FAM171B: variants seen among roughly 807,000 people sequenced by gnomAD.
FAM171B encodes protein FAM171B.
In FAM171B, 19 loss-of-function variants were observed where a neutral mutation model predicts 75.6. The observed-to-expected ratio is 0.25, with a 90% confidence interval of 0.18 to 0.37. FAM171B has a LOEUF of 0.37. Among genes scored for constraint, FAM171B ranks in the 10% least tolerant of loss-of-function variants. The pLI, the probability that FAM171B is intolerant of heterozygous loss-of-function variation, is 1.00. For synonymous variants in FAM171B, 367 were observed against 361.7 expected, an observed-to-expected ratio of 1.01 and a Z score of -0.17; for missense variants, 848 against 982.4, an observed-to-expected ratio of 0.86 and a Z score of 1.83.
chr2:186,729,609 A>G (rs556641991), intron 1 of FAM171B, among the ~76,000 whole-genome samples: 1 of 152,318 alleles, frequency 6.6e-6, no homozygotes, highest in South Asian at 2.1e-4. Flanking sequence ...GAAATAGAAA[A>G]GAGTTGTTCA....
At chr2:186,761,363 T>C in intron 7 of FAM171B, 116 bp from the exon 8 acceptor site, 2 of 1,436,490 alleles carry the variant, frequency 1.4e-6, no homozygotes, top group South Asian at 1.4e-5. Context: ...TTATTTTTAA[T>C]CTACATATCT....
chr2:186,711,870 C>T (rs183213319), intron 1 of FAM171B, among the ~76,000 whole-genome samples: 67 of 152,126 alleles, frequency 4.4e-4, no homozygotes, highest in African/African-American at 1.4e-3. Flanking sequence ...TTTTTTGGTC[C>T]GTGATTATCT....
In FAM171B at chr2:186,764,977, G is replaced by GGAAATGA. The variant is rs750367462; in HGVS notation, c.*2157_*2163dup. 1 of 151,884 alleles carries GGAAATGA rather than the reference G, an allele frequency of 6.6e-6. No individual in the cohort carries two copies. Among genetic ancestry groups the GGAAATGA allele is most frequent in the Non-Finnish European group, 1.5e-5 (1 of 67,872 alleles). The allele number at this position is 151,884 out of a possible 1,614,324, so 9.4% of individuals were successfully genotyped here. On this transcript the variant is annotated 3_prime_UTR_variant, in exon 8 of 8. Coordinates refer to ENST00000304698, the MANE Select transcript of FAM171B (RefSeq NM_177454.4). Reference sequence around the variant, plus strand: ...CTTATTTTATTCATTTTTGTGTAAGGGAAATGAGATGATGTATCCCAAGGG... The same window carrying GGAAATGA: ...CTTATTTTATTCATTTTTGTGTAAGGGAAATGAGAAATGAGATGATGTATCCCAAGGG...
chr2:186,740,378 A>G lies in FAM171B; in HGVS notation c.389A>G (p.Lys130Arg), dbSNP rs1690270552. The change falls in exon 2 of 8, where the codon AAA (lysine) becomes AGA (arginine). Residue 130 changes from lysine (K) to arginine (R), a missense_variant. By Grantham distance (26) the Lys-to-Arg change is conservative (BLOSUM62 2). Coordinates refer to ENST00000304698, the MANE Select transcript of FAM171B (RefSeq NM_177454.4). ...NGAVLIKVPYKLGLSLTIIAY... is the reference protein window; with the variant it reads ...NGAVLIKVPYRLGLSLTIIAY... ...GCAGTGCTGATAAAAGTACCCTACAAATTAGGACTTAGTTTAACTATTATT... is the reference window on the plus strand; with the variant it reads ...GCAGTGCTGATAAAAGTACCCTACAGATTAGGACTTAGTTTAACTATTATT... The G allele has an allele frequency of 6.2e-7, 1 of 1,614,050 alleles. No individual in the cohort carries two copies.
intron 1 of FAM171B, among the ~76,000 whole-genome samples, chr2:186,726,367 T>C (rs1690032847): frequency 6.6e-6 from 1 of 152,226 alleles, no homozygotes; most frequent in Non-Finnish European, 1.5e-5. Flanking sequence ...TCTATTTTAC[T>C]GATTTTTTTT....
In FAM171B at chr2:186,694,140, G is replaced by A. The variant is rs1297849315; in HGVS notation, c.-34G>A. ...GGCGCCCGCCGCCGCCCGGAGCCCC[G>A]CAATATGCCGCCGCGGCCCTCTGGC... On this transcript the variant is annotated 5_prime_UTR_variant, in exon 1 of 8. Coordinates refer to ENST00000304698, the MANE Select transcript of FAM171B (RefSeq NM_177454.4). 2.0e-6 allele frequency: 3 copies of A among 1,505,590 alleles called. No homozygotes were observed. The highest frequency in any genetic ancestry group is 2.6e-6 in the Non-Finnish European group (3 of 1,135,242). 93.3% of individuals were successfully genotyped at this position (1,505,590 alleles called of 1,614,324 possible). A position where few individuals can be genotyped will look rare whatever the true frequency, so the allele number is the denominator to read the frequency against.
In FAM171B at chr2:186,762,508, G is replaced by T; in HGVS notation, c.2166G>T (p.Arg722Ser). The change falls in exon 8 of 8, where the codon AGG (arginine) becomes AGT (serine). Residue 722 changes from arginine to serine, a missense_variant. Transcript: ENST00000304698. The surrounding 1 kb of genome is among the most constrained non-coding windows in gnomAD (Gnocchi z 4.0). ...TTCACTCAAGTAGAAAGCTCGAGAG[G>T]GAGAAAACATTCATCAAAAGCATGC... ...NELHSSRKLE[R>S]EKTFIKSMHQ... 1 of 1,613,428 alleles carries T rather than the reference G, an allele frequency of 6.2e-7. No individual in the cohort carries two copies. Among genetic ancestry groups the T allele is most frequent in the Non-Finnish European group, 8.5e-7 (1 of 1,179,724 alleles).
rs1470632589 is a variant in FAM171B at position 186,762,111 on chromosome 2, C to T, written c.1769C>T (p.Pro590Leu). 2 of 1,613,666 alleles carry T rather than the reference C, an allele frequency of 1.2e-6. No individual in the cohort carries two copies. The highest frequency in any genetic ancestry group is 4.5e-5 in the East Asian group (2 of 44,856). The change falls in exon 8 of 8, where the codon CCA becomes CTA. Residue 590 changes from proline (P) to leucine (L), a missense_variant. Coordinates refer to ENST00000304698, the MANE Select transcript of FAM171B (RefSeq NM_177454.4). The surrounding 1 kb of genome is among the most constrained non-coding windows in gnomAD (Gnocchi z 4.0). ...ENFTQTLPKM[P>L]IHSHAQPPDA... is the part of the protein sequence containing the mutation. ...TTTACGCAGACCTTGCCCAAAATGC[C>T]AATTCATTCTCATGCACAGCCCCCA...
chr2:186,727,693 G>A (rs772406662), intron 1 of FAM171B, among the ~76,000 whole-genome samples: 1 of 152,054 alleles, frequency 6.6e-6, no homozygotes, highest in Admixed American at 6.5e-5. Context: ...GGGAGGTGAC[G>A]GTCAGATCTC....
chr2:186,709,235 G>T (rs1304925736), intron 1 of FAM171B, among the ~76,000 whole-genome samples: 1 of 152,072 alleles, frequency 6.6e-6, no homozygotes, highest in African/African-American at 2.4e-5. Flanking sequence ...CCCCATCTCC[G>T]ACACTGAGGA....
In FAM171B at chr2:186,762,168, G is replaced by A. The variant is rs1559094910; in HGVS notation, c.1826G>A (p.Gly609Asp). ...AGGGAAGAGGATATCATACTTGAAG[G>A]TCAACAGAGCCTGCCATCCCAGGCT... ...DAREEDIILE[G>D]QQSLPSQASD... is the part of the protein sequence containing the mutation. The change falls in exon 8 of 8, where the codon GGT (glycine) becomes GAT (aspartate). Residue 609 changes from glycine to aspartate, a missense_variant. By Grantham distance (94) the Gly-to-Asp change is moderately conservative (BLOSUM62 -1). This residue lies in a region of FAM171B where 665 missense variants were observed against 729.0 expected (regional missense o/e 0.91). Transcript: ENST00000304698. The surrounding 1 kb of genome is among the most constrained non-coding windows in gnomAD (Gnocchi z 4.0). 3.1e-6 allele frequency: 5 copies of A among 1,613,626 alleles called. No individual in the cohort carries two copies. Among genetic ancestry groups the A allele is most frequent in the Non-Finnish European group, 4.2e-6 (5 of 1,179,766 alleles).
In FAM171B at chr2:186,743,473, T is replaced by C. The variant is rs2105787017; in HGVS notation, c.473-10T>C. 6 of 1,579,826 alleles carry C rather than the reference T, an allele frequency of 3.8e-6. No individual in the cohort carries two copies. The highest frequency in any genetic ancestry group is 5.2e-6 in the Non-Finnish European group (6 of 1,150,032). On this transcript the variant is annotated splice_polypyrimidine_tract_variant and intron_variant, in intron 2 of 7. Transcript: ENST00000304698. ...TAAGTAAAATATTCTAATTGTGCTA[T>C]ATTTCACAGTATATTCATCAGTTAC...
intron 5 of FAM171B, among the ~76,000 whole-genome samples, chr2:186,751,643 A>T (rs1690456783): frequency 6.6e-6 from 1 of 152,190 alleles, no homozygotes; most frequent in Non-Finnish European, 1.5e-5. Flanking sequence ...AGCGTGGTTT[A>T]AGGCCATAGG....
rs189061195 is a variant in FAM171B, at chr2:186,730,902, A to C, written c.239-9326A>C. Among the ~76,000 whole-genome samples, 41 of 152,314 alleles carry C rather than the reference A, an allele frequency of 2.7e-4. No individual in the cohort carries two copies. The East Asian group carries it at 7.9e-3, about 29-fold the overall frequency. ...ACATTGAGATTTATCTGTAAATCCA[A>C]AGGCTCTGAGAATCTCTGAAATTGA... On this transcript the variant is annotated intron_variant, in intron 1 of 7. Coordinates refer to ENST00000304698, the MANE Select transcript of FAM171B (RefSeq NM_177454.4).
At chr2:186,716,437 T>C (rs1689875595) in intron 1 of FAM171B, among the ~76,000 whole-genome samples, 1 of 152,266 alleles carries the variant, frequency 6.6e-6, no homozygotes, top group Admixed American at 6.5e-5. Context: ...TTTAAAATAC[T>C]GTAATAGATG....
intron 1 of FAM171B, among the ~76,000 whole-genome samples, chr2:186,694,748 AACACACACACACAC>A (rs57171143): frequency 3.4e-4 from 45 of 133,382 alleles, no homozygotes; most frequent in East Asian, 8.6e-4. Context: ...GAATGACTGT[AACACACACACACAC>A]ACACACACAC....
At chr2:186,713,483 C>A (rs572863539) in intron 1 of FAM171B, among the ~76,000 whole-genome samples, 2 of 152,254 alleles carry the variant, frequency 1.3e-5, no homozygotes, top group South Asian at 2.1e-4. Flanking sequence ...TTAGAGATTA[C>A]TTTTAGTAAA....
At chr2:186,761,381 G>A (rs997036288) in intron 7 of FAM171B, 98 bp from the exon 8 acceptor site, 10 of 1,424,368 alleles carry the variant, frequency 7.0e-6, no homozygotes, top group East Asian at 7.0e-5. Context: ...TCTCACAATA[G>A]CATTGCATGT....
chr2:186,720,671 T>C (rs1689938515), intron 1 of FAM171B, among the ~76,000 whole-genome samples: 1 of 147,586 alleles, frequency 6.8e-6, no homozygotes, highest in Non-Finnish European at 1.5e-5. Flanking sequence ...GTTTTTTGTA[T>C]TTTCCAAATT....
Sources: allele counts gnomAD v4.1 joint callset (sites outside exome capture counted in the v4.1 genomes callset), GRCh38; gene constraint gnomAD v4.1.1; regional missense constraint gnomAD v4.1.1; non-coding constraint Gnocchi (gnomAD v3.1); transcripts MANE v1.5; gene names NCBI Gene and HGNC (gene_info 2026-07-23, HGNC 2026-07-21).